SCD5: variants seen among roughly 807,000 people sequenced by gnomAD.
SCD5 encodes acyl-CoA-desaturase 4.
A neutral mutation model predicts 30.4 loss-of-function variants in SCD5; 20 were observed. The observed-to-expected ratio is 0.66, with a 90% CI of 0.46 to 0.96. The LOEUF is 0.96. Ranked by LOEUF, SCD5 falls within the 40% of genes least tolerant of loss-of-function variation. The pLI, the probability that SCD5 is intolerant of heterozygous loss-of-function variation, is 0.00. For synonymous variants in SCD5, 173 were observed against 176.4 expected, an observed-to-expected ratio of 0.98 and a Z score of 0.16; for missense variants, 381 against 443.3, an observed-to-expected ratio of 0.86 and a Z score of 1.26.
intron 1 of SCD5, among the ~76,000 whole-genome samples, chr4:82,794,143 T>C (rs924003083): frequency 6.6e-6 from 1 of 152,224 alleles, no homozygotes; most frequent in Non-Finnish European, 1.5e-5. Context: ...CCTTGCCATA[T>C]GCTGAATCCC....
At chr4:82,730,452 A>G (rs1720611512) in intron 1 of SCD5, among the ~76,000 whole-genome samples, 1 of 150,586 alleles carries the variant, frequency 6.6e-6, no homozygotes, top group Non-Finnish European at 1.5e-5. Flanking sequence ...GCATGCCACT[A>G]TGCCTGGCTA....
intron 1 of SCD5, among the ~76,000 whole-genome samples, chr4:82,726,273 C>T (rs566940663): frequency 3.0e-4 from 46 of 152,088 alleles, no homozygotes; most frequent in Admixed American, 5.2e-4. Flanking sequence ...CAAAATTAGC[C>T]GGGCGTGGTG....
intron 2 of SCD5, chr4:82,692,177 A>C (rs1719539804): frequency 6.4e-6 from 1 of 156,816 alleles, no homozygotes; most frequent in Non-Finnish European, 1.4e-5. Context: ...CTGTTTGTGG[A>C]GACTCTGGGC....
At chr4:82,645,373 A>G (rs1727617421) in intron 3 of SCD5, among the ~76,000 whole-genome samples, 1 of 151,958 alleles carries the variant, frequency 6.6e-6, no homozygotes, top group Admixed American at 6.6e-5. Flanking sequence ...GGATCAACCC[A>G]AGAACGACCC....
At chr4:82,791,030 G>C (rs1377698817) in intron 1 of SCD5, among the ~76,000 whole-genome samples, 3 of 152,146 alleles carry the variant, frequency 2.0e-5, no homozygotes, top group Non-Finnish European at 4.4e-5. Context: ...ATGAGGTCAG[G>C]AGACTGAGAC....
intron 3 of SCD5, among the ~76,000 whole-genome samples, chr4:82,678,772 T>C (rs1013778413): frequency 2.0e-5 from 3 of 152,240 alleles, no homozygotes; most frequent in African/African-American, 7.2e-5. Context: ...ATATTAATAG[T>C]GTCTGTTTAT....
intron 3 of SCD5, among the ~76,000 whole-genome samples, chr4:82,642,524 C>G (rs1727566173): frequency 6.6e-6 from 1 of 152,226 alleles, no homozygotes; most frequent in Admixed American, 6.5e-5. Flanking sequence ...ACACTCTTCC[C>G]CAGCCCTGGC....
In SCD5 at chr4:82,746,979, G is replaced by A. The variant is rs150575064; in HGVS notation, c.233-41566C>T. Among the ~76,000 whole-genome samples, 1,172 of 151,208 alleles carry A rather than the reference G, an allele frequency of 7.8e-3. 14 individuals are homozygous for A. The highest frequency in any genetic ancestry group is 0.025 in the African/African-American group (1,033 of 41,314). ...GCGTCAGGGGGAGAGGAGGAACGGGGAACACACCCACAGACCAGCAACAGT... is the reference window on the plus strand; with the variant it reads ...GCGTCAGGGGGAGAGGAGGAACGGGAAACACACCCACAGACCAGCAACAGT... On this transcript the variant is annotated intron_variant, in intron 1 of 4. Coordinates refer to ENST00000319540, the MANE Select transcript of SCD5 (RefSeq NM_001037582.3).
intron 3 of SCD5, among the ~76,000 whole-genome samples, chr4:82,663,580 A>G (rs560242972): frequency 2.0e-4 from 30 of 152,342 alleles, no homozygotes; most frequent in African/African-American, 6.7e-4. Context: ...GAATTTTTGC[A>G]ATCAGACCTT....
At chr4:82,631,661 A>G in intron 4 of SCD5, 144 bp from the exon 5 acceptor site, 1 of 723,826 alleles carries the variant, frequency 1.4e-6, no homozygotes, top group Non-Finnish European at 2.2e-6. Context: ...TACTGACTCC[A>G]AAGGCATTGA....
intron 1 of SCD5, among the ~76,000 whole-genome samples, chr4:82,790,663 G>A (rs1722081420): frequency 6.6e-6 from 1 of 152,164 alleles, no homozygotes; most frequent in Non-Finnish European, 1.5e-5. Context: ...TTCTCCAACT[G>A]GCCTGTAAGT....
intron 1 of SCD5, among the ~76,000 whole-genome samples, chr4:82,709,812 C>T (rs1227963856): frequency 6.6e-6 from 1 of 152,204 alleles, no homozygotes; most frequent in Non-Finnish European, 1.5e-5. Flanking sequence ...CAGAAATAAT[C>T]CAAGTGTCCA....
intron 3 of SCD5, among the ~76,000 whole-genome samples, chr4:82,653,933 A>G (rs895386178): frequency 7.1e-6 from 1 of 140,942 alleles, no homozygotes; most frequent in Admixed American, 7.0e-5. Flanking sequence ...TTTTTTTTTT[A>G]ATCAAACGGA....
chr4:82,766,513 T>G (rs1721489184), intron 1 of SCD5, among the ~76,000 whole-genome samples: 1 of 152,226 alleles, frequency 6.6e-6, no homozygotes, highest in African/African-American at 2.4e-5. Context: ...AAAATATAAT[T>G]ATCCCAATTG....
intron 2 of SCD5, among the ~76,000 whole-genome samples, chr4:82,684,187 T>C (rs144482054): frequency 2.6e-4 from 39 of 152,302 alleles, no homozygotes; most frequent in Middle Eastern, 3.4e-3. Flanking sequence ...CTGACTGCAA[T>C]AGTGGAATGA....
intron 1 of SCD5, among the ~76,000 whole-genome samples, chr4:82,724,608 T>C (rs77836074): frequency 0.015 from 2,296 of 152,212 alleles, 58 homozygotes; most frequent in African/African-American, 0.053. Flanking sequence ...AAGAATAATA[T>C]AAAAAGATAT....
At chr4:82,731,289 G>A (rs1720638580) in intron 1 of SCD5, among the ~76,000 whole-genome samples, 1 of 152,192 alleles carries the variant, frequency 6.6e-6, no homozygotes. Context: ...GCTGGGTCAA[G>A]GCCTGGCACA....
intron 1 of SCD5, among the ~76,000 whole-genome samples, chr4:82,743,816 G>A (rs1054441298): frequency 1.3e-5 from 2 of 151,924 alleles, no homozygotes; most frequent in African/African-American, 2.4e-5. Flanking sequence ...ACCACACCCG[G>A]CCACTAACTT....
chr4:82,714,313 C>A (rs1720176060), intron 1 of SCD5, among the ~76,000 whole-genome samples: 1 of 152,208 alleles, frequency 6.6e-6, no homozygotes, highest in African/African-American at 2.4e-5. Flanking sequence ...TAAACCCACT[C>A]AATCAGGTTT....
Sources: gnomAD v4.1 joint callset for allele counts (sites outside exome capture counted in the v4.1 genomes callset) on GRCh38, gnomAD v4.1.1 for gene constraint, MANE v1.5 for transcripts, NCBI Gene and HGNC (gene_info 2026-07-23, HGNC 2026-07-21) for gene names.